The following RAP1B variants were observed in gnomAD, a reference collection of about 807,000 sequenced individuals.
The protein encoded by RAP1B is ras-related protein Rap-1b.
A neutral mutation model predicts 27.5 loss-of-function variants in RAP1B; 1 was observed. That is an observed-to-expected ratio of 0.04 (90% confidence interval 0.01 to 0.17). RAP1B has a LOEUF of 0.17. Ranked by LOEUF, RAP1B falls within the 10% of genes least tolerant of loss-of-function variation. The pLI, the probability that RAP1B is intolerant of heterozygous loss-of-function variation, is 1.00. For synonymous variants in RAP1B, 75 were observed against 73.1 expected (o/e 1.03, Z -0.13); for missense variants, 84 against 214.8 (o/e 0.39, Z 3.81).
intron 1 of RAP1B, among the ~76,000 whole-genome samples, chr12:68,619,726 G>A (rs933628683): frequency 3.3e-5 from 5 of 152,170 alleles, no homozygotes; most frequent in Middle Eastern, 3.4e-3. Flanking sequence ...ATTTTTGTTG[G>A]AAACAGGAAT....
chr12:68,642,799 A>G (rs879239287), intron 1 of RAP1B: 2 of 1,034,418 alleles, frequency 1.9e-6, no homozygotes, highest in South Asian at 1.3e-5. Flanking sequence ...CATCCACCAA[A>G]CCGGCCTTGG....
chr12:68,631,705 C>T (rs1872249855), intron 1 of RAP1B, among the ~76,000 whole-genome samples: 1 of 149,844 alleles, frequency 6.7e-6, no homozygotes, highest in African/African-American at 2.4e-5. Context: ...AATATTGTAA[C>T]TTTTTTTTTT....
At position 68,663,639 on chromosome 12, in the gene RAP1B, A is replaced by G. The variant is rs1465944727; in HGVS notation, c.*4390A>G. The stretch of plus-strand genomic sequence containing the variant: ...TTAAAAAAAGTATTCCATGTTACAC[A>G]CATTTTAAACTTGCTTCTTAAAACA... On this transcript the variant is annotated 3_prime_UTR_variant, in exon 8 of 8. Transcript: ENST00000250559. 1.3e-5 allele frequency: 2 copies of G among 152,246 alleles called. No homozygotes were observed. The highest frequency in any genetic ancestry group is 2.9e-5 in the Non-Finnish European group (2 of 68,028). The allele number at this position is 152,246 out of a possible 1,614,324, so 9.4% of individuals were successfully genotyped here.
intron 1 of RAP1B, among the ~76,000 whole-genome samples, chr12:68,615,503 C>T (rs1870919228): frequency 6.6e-6 from 1 of 151,510 alleles, no homozygotes; most frequent in South Asian, 2.1e-4. Context: ...GCAGGAGAAT[C>T]GCTTGAACCT....
At chr12:68,615,363 C>T (rs1870908847) in intron 1 of RAP1B, among the ~76,000 whole-genome samples, 1 of 151,926 alleles carries the variant, frequency 6.6e-6, no homozygotes. Flanking sequence ...ACATGAGTTA[C>T]AGAATTTCCA....
chr12:68,631,474 T>G (rs962632323), intron 1 of RAP1B, among the ~76,000 whole-genome samples: 2 of 152,188 alleles, frequency 1.3e-5, no homozygotes, highest in Non-Finnish European at 2.9e-5. Context: ...AAATGTCTAT[T>G]GTTGTTGCTT....
chr12:68,627,026 C>T, intron 1 of RAP1B: 1 of 1,585,712 alleles, frequency 6.3e-7, no homozygotes, highest in Non-Finnish European at 8.6e-7. Flanking sequence ...TGTGGATCTT[C>T]TGGCGGCCAG....
chr12:68,649,437 C>T (rs915977563), intron 2 of RAP1B: 1 of 152,042 alleles, frequency 6.6e-6, no homozygotes, highest in Non-Finnish European at 1.5e-5. Context: ...TTTGACTGTC[C>T]AGCTTTACAT....
chr12:68,649,922 G>T, intron 2 of RAP1B: 1 of 152,904 alleles, frequency 6.5e-6, no homozygotes, highest in Non-Finnish European at 1.5e-5. Flanking sequence ...AGAGCAGCCT[G>T]GCCAATATAG....
chr12:68,625,656 C>T (rs1345477308), intron 1 of RAP1B, among the ~76,000 whole-genome samples: 3 of 152,178 alleles, frequency 2.0e-5, no homozygotes, highest in Admixed American at 6.5e-5. Context: ...GTGTGGGGCT[C>T]ATGCCTGTAA....
chr12:68,633,299 T>G (rs1872397096), intron 1 of RAP1B, among the ~76,000 whole-genome samples: 1 of 152,084 alleles, frequency 6.6e-6, no homozygotes. Context: ...CCAAGTGAAC[T>G]CCCCTATTCC....
chr12:68,629,463 C>T (rs1872076241), intron 1 of RAP1B, among the ~76,000 whole-genome samples: 1 of 152,186 alleles, frequency 6.6e-6, no homozygotes, highest in Admixed American at 6.5e-5. Context: ...ACTTCAGAAC[C>T]TCAGTGGCAT....
intron 5 of RAP1B, 28 bp downstream of exon 5, chr12:68,654,280 T>C (rs1457832222): frequency 2.9e-6 from 4 of 1,401,422 alleles, no homozygotes; most frequent in Non-Finnish European, 3.8e-6. Flanking sequence ...TAAATATATT[T>C]TATTTCAAAA....
chr12:68,624,243 C>G (rs1230786565), intron 1 of RAP1B, among the ~76,000 whole-genome samples: 1 of 152,096 alleles, frequency 6.6e-6, no homozygotes, highest in Non-Finnish European at 1.5e-5. Flanking sequence ...TCACCTCATT[C>G]TATAATTGCA....
At chr12:68,656,258 T>A (rs1170631739) in intron 5 of RAP1B, 48 bp from the exon 6 acceptor site, 7 of 1,497,814 alleles carry the variant, frequency 4.7e-6, no homozygotes, top group African/African-American at 1.4e-5. Context: ...TTTGAATTCA[T>A]ATAGCATATT....
intron 1 of RAP1B, among the ~76,000 whole-genome samples, chr12:68,616,637 T>C (rs960084342): frequency 1.3e-5 from 2 of 151,864 alleles, no homozygotes; most frequent in African/African-American, 4.8e-5. Context: ...TTTCACCATA[T>C]TGGTCAGGCT....
Position 68,639,065 on chromosome 12 carries a change from A to C in RAP1B, c.-26-9634A>C, listed in dbSNP as rs563176844. On this transcript the variant is annotated intron_variant, in intron 1 of 7. Coordinates refer to ENST00000250559, the MANE Select transcript of RAP1B (RefSeq NM_001010942.3). ...TAATTGAAAGGGACTTTAGGGATCT[A>C]GTCGAGAAGTCAAAAACTGCTGGAC... Among the ~76,000 whole-genome samples, 46 of 152,356 alleles carry C rather than the reference A, an allele frequency of 3.0e-4. 1 individual carries two copies. In the South Asian group the frequency reaches 9.5e-3, roughly 32 times the overall value.
At chr12:68,629,529 C>T (rs1227906683) in intron 1 of RAP1B, among the ~76,000 whole-genome samples, 1 of 152,172 alleles carries the variant, frequency 6.6e-6, no homozygotes, top group East Asian at 1.9e-4. Flanking sequence ...TCTAAATGCA[C>T]AAAATTAACA....
At chr12:68,649,099 A>T (rs953048007) in intron 2 of RAP1B, 3 of 223,988 alleles carry the variant, frequency 1.3e-5, no homozygotes, top group South Asian at 1.1e-4. Flanking sequence ...TGGTCTTTTT[A>T]TTTATTTATT....
Sources: gnomAD v4.1 joint callset for allele counts (sites outside exome capture counted in the v4.1 genomes callset) on GRCh38, gnomAD v4.1.1 for gene constraint, MANE v1.5 for transcripts, NCBI Gene and HGNC (gene_info 2026-07-23, HGNC 2026-07-21) for gene names.